Variants in AMD1 observed in about 807,000 individuals in gnomAD.
The protein encoded by AMD1 is S-adenosylmethionine decarboxylase proenzyme.
Under a neutral mutation model 40.2 loss-of-function variants are expected in AMD1, and 11 were observed. The observed-to-expected ratio is 0.27, with a 90% CI of 0.17 to 0.45. The LOEUF (loss-of-function observed/expected upper bound fraction) is 0.45. Among genes scored for constraint, AMD1 ranks in the 20% least tolerant of loss-of-function variants. AMD1 has a pLI of 1.00. For synonymous variants in AMD1, 121 were observed against 130.8 expected (o/e 0.93, Z 0.51); for missense variants, 257 against 410.2 (o/e 0.63, Z 3.23).
At chr6:110,835,150 C>CT in the AMD1 span, among the ~76,000 whole-genome samples, 4 of 150,864 alleles carry the variant, frequency 2.7e-5, no homozygotes, top group African/African-American at 7.3e-5. Context: ...TCCCAAGTAG[C>CT]TGGGACTACA....
At chr6:110,815,297 G>C in the AMD1 span, 70 of 741,446 alleles carry the variant, frequency 9.4e-5, no homozygotes, top group African/African-American at 3.7e-5. Context: ...CCTTCAGCAA[G>C]GGACTCCTCG....
the AMD1 span, chr6:110,815,996 C>T: frequency 1.3e-5 from 2 of 152,210 alleles, no homozygotes; most frequent in Non-Finnish European, 2.9e-5. Context: ...TGGCTTCTTT[C>T]CCGCTCTTGA....
chr6:110,858,833 C>A, the AMD1 span: 1 of 777,020 alleles, frequency 1.3e-6, no homozygotes, highest in Non-Finnish European at 2.4e-6. Flanking sequence ...CCACATCCTG[C>A]CCCCCATGGA....
chr6:110,863,206 A>C, the AMD1 span, among the ~76,000 whole-genome samples: 1 of 151,628 alleles, frequency 6.6e-6, no homozygotes, highest in Non-Finnish European at 1.5e-5. Flanking sequence ...CGGCCTCCCA[A>C]AGTGCTGGGA....
chr6:110,892,257 G>T, intron 5 of AMD1, 42 bp from the exon 6 acceptor site: 1 of 1,613,480 alleles, frequency 6.2e-7, no homozygotes, highest in Non-Finnish European at 8.5e-7. Context: ...GATTTAAACT[G>T]CCAATTGTCA....
intron 1 of AMD1, among the ~76,000 whole-genome samples, chr6:110,880,412 T>C (rs1785341048): frequency 6.6e-6 from 1 of 152,220 alleles, no homozygotes; most frequent in African/African-American, 2.4e-5. Flanking sequence ...TTTTATTGTA[T>C]GTCATATCCA....
At chr6:110,832,155 C>T in the AMD1 span, among the ~76,000 whole-genome samples, 1 of 151,864 alleles carries the variant, frequency 6.6e-6, no homozygotes, top group African/African-American at 2.4e-5. Context: ...CAGGCGCATG[C>T]CACCACACCT....
chr6:110,862,004 T>C, the AMD1 span, among the ~76,000 whole-genome samples: 4 of 150,696 alleles, frequency 2.7e-5, no homozygotes, highest in Admixed American at 6.7e-5. Context: ...TTGTGACCTA[T>C]TAAAGATTTA....
intron 1 of AMD1, among the ~76,000 whole-genome samples, chr6:110,887,012 C>T (rs1406612434): frequency 6.6e-6 from 1 of 152,134 alleles, no homozygotes; most frequent in Non-Finnish European, 1.5e-5. Flanking sequence ...TCTAGGTATG[C>T]TTGTAATTGG....
the AMD1 span, among the ~76,000 whole-genome samples, chr6:110,851,589 AGTGGCT>A: frequency 1.3e-5 from 2 of 151,960 alleles, no homozygotes; most frequent in Non-Finnish European, 2.9e-5. Context: ...CAGCCTCCTG[AGTGGCT>A]GGGATTACAG....
chr6:110,888,112 A>G (rs1443923511), intron 2 of AMD1, among the ~76,000 whole-genome samples: 4 of 152,172 alleles, frequency 2.6e-5, no homozygotes, highest in South Asian at 4.2e-4. Context: ...TTTCCTCCCA[A>G]TTGGTAAAGA....
the AMD1 span, chr6:110,815,745 G>C: frequency 6.6e-6 from 1 of 152,506 alleles, no homozygotes; most frequent in East Asian, 1.9e-4. Context: ...TACTCTAGTG[G>C]GAAGGGGATA....
At chr6:110,893,167 C>A in intron 8 of AMD1, 102 bp downstream of exon 8, 1 of 1,067,902 alleles carries the variant, frequency 9.4e-7, no homozygotes, top group Non-Finnish European at 1.3e-6. Flanking sequence ...GCACATATAC[C>A]AGCCACTCAG....
intron 6 of AMD1, 37 bp from the exon 7 acceptor site, chr6:110,892,698 C>A: frequency 6.3e-7 from 1 of 1,589,050 alleles, no homozygotes; most frequent in South Asian, 1.1e-5. Context: ...GTTTATTTGT[C>A]AAACCCTTGT....
chr6:110,845,670 G>C, the AMD1 span, among the ~76,000 whole-genome samples: 1 of 152,084 alleles, frequency 6.6e-6, no homozygotes, highest in Non-Finnish European at 1.5e-5. Flanking sequence ...GATTTGCCAG[G>C]GGTTCTCAGG....
chr6:110,864,078 G>GC, the AMD1 span: 4 of 233,874 alleles, frequency 1.7e-5, no homozygotes, highest in South Asian at 1.5e-4. Context: ...TCCTGCCTCA[G>GC]CCCCCCAAGT....
upstream of AMD1, among the ~76,000 whole-genome samples, chr6:110,871,289 C>CA (rs905515571): frequency 2.0e-5 from 3 of 151,830 alleles, no homozygotes; most frequent in Non-Finnish European, 2.9e-5. Flanking sequence ...AAAATTAAAA[C>CA]AAAAAAAATC....
At chr6:110,884,116 T>C (rs1195264922) in intron 1 of AMD1, among the ~76,000 whole-genome samples, 5 of 152,228 alleles carry the variant, frequency 3.3e-5, no homozygotes, top group African/African-American at 1.2e-4. Context: ...AGCCTGGCCA[T>C]TGGGTGGCAA....
the AMD1 span, among the ~76,000 whole-genome samples, chr6:110,863,558 C>T: frequency 1.3e-5 from 2 of 151,312 alleles, no homozygotes; most frequent in Admixed American, 6.6e-5. Context: ...TTAGTAGAGA[C>T]GGGGTTTCAC....
Sources: allele counts gnomAD v4.1 joint callset (sites outside exome capture counted in the v4.1 genomes callset), GRCh38; gene constraint gnomAD v4.1.1; transcripts MANE v1.5; gene names NCBI Gene and HGNC (gene_info 2026-07-23, HGNC 2026-07-21).